ASIC2: variants seen among roughly 807,000 people sequenced by gnomAD.
ASIC2 encodes the protein acid-sensing ion channel 2.
In ASIC2, 25 loss-of-function variants were observed where a neutral mutation model predicts 57.3. The observed-to-expected ratio is 0.44, with a 90% CI of 0.32 to 0.61. The LOEUF is 0.61. Among genes scored for constraint, ASIC2 ranks in the 20% least tolerant of loss-of-function variants. The pLI is 0.06. For missense variants in ASIC2, 641 were observed against 738.1 expected, an observed-to-expected ratio of 0.87 and a Z score of 1.52; for synonymous variants, 319 against 307.5, an observed-to-expected ratio of 1.04 and a Z score of -0.39.
chr17:33,491,186 G>A (rs1389390183), intron 1 of ASIC2, among the ~76,000 whole-genome samples: 1 of 152,082 alleles, frequency 6.6e-6, no homozygotes, highest in African/African-American at 2.4e-5. Flanking sequence ...ACACCCACAG[G>A]ACATCAAGCA....
chr17:33,416,908 C>T (rs1408995014), intron 1 of ASIC2, among the ~76,000 whole-genome samples: 1 of 152,096 alleles, frequency 6.6e-6, no homozygotes, highest in Non-Finnish European at 1.5e-5. Flanking sequence ...TTTGGGATCT[C>T]ACCAATATGC....
chr17:33,152,758 T>C (rs978565532), intron 1 of ASIC2, among the ~76,000 whole-genome samples: 1 of 152,230 alleles, frequency 6.6e-6, no homozygotes, highest in African/African-American at 2.4e-5. Context: ...ACATCATCCC[T>C]TTCCTGGTGA....
chr17:33,983,207 A>G (rs1905690921), intron 1 of ASIC2, among the ~76,000 whole-genome samples: 1 of 152,162 alleles, frequency 6.6e-6, no homozygotes, highest in Non-Finnish European at 1.5e-5. Context: ...ATTTCAGAGA[A>G]CTTGTTCCCA....
At position 34,044,976 on chromosome 17, in the gene ASIC2, A is replaced by G. The variant is rs1342737556; in HGVS notation, c.555+111002T>C. ...AAAACTGTTTTCTGCCTCTGTCCTC[A>G]GTGAGCTCACAGTCGAACACAGGAA... On this transcript the variant is annotated intron_variant, in intron 1 of 9. Transcript: ENST00000359872. 5.9e-5 allele frequency among the ~76,000 whole-genome samples: 9 copies of G among 152,328 alleles called. No individual in the cohort carries two copies. The South Asian group carries it at 1.7e-3, about 28-fold the overall frequency.
intron 1 of ASIC2, among the ~76,000 whole-genome samples, chr17:33,913,753 A>G (rs1471604572): frequency 1.3e-5 from 2 of 151,570 alleles, no homozygotes; most frequent in Non-Finnish European, 2.9e-5. Flanking sequence ...AAATAAAATG[A>G]TAAGTGTATG....
At chr17:33,740,129 C>A (rs1373033219) in intron 1 of ASIC2, among the ~76,000 whole-genome samples, 1 of 152,078 alleles carries the variant, frequency 6.6e-6, no homozygotes, top group East Asian at 1.9e-4. Flanking sequence ...ACAATATATG[C>A]CTTGAAGAAT....
intron 1 of ASIC2, among the ~76,000 whole-genome samples, chr17:33,952,595 G>A (rs760334761): frequency 7.9e-5 from 12 of 152,060 alleles, no homozygotes; most frequent in Non-Finnish European, 1.6e-4. Context: ...CACTGAACTC[G>A]TCCAAATACA....
chr17:33,846,272 C>G (rs1327836595), intron 1 of ASIC2, among the ~76,000 whole-genome samples: 2 of 152,148 alleles, frequency 1.3e-5, no homozygotes, highest in African/African-American at 4.8e-5. Context: ...GGAAATTCAG[C>G]TGACAGTAAA....
chr17:33,437,189 C>T (rs1046984045), intron 1 of ASIC2, among the ~76,000 whole-genome samples: 1 of 152,048 alleles, frequency 6.6e-6, no homozygotes, highest in Non-Finnish European at 1.5e-5. Flanking sequence ...GACAGGATCT[C>T]AGGCTAGAAT....
intron 1 of ASIC2, among the ~76,000 whole-genome samples, chr17:33,370,957 C>T (rs888595733): frequency 2.6e-5 from 4 of 151,488 alleles, no homozygotes; most frequent in African/African-American, 4.9e-5. Context: ...CCATAGACAG[C>T]GTAGGGTGTT....
intron 1 of ASIC2, among the ~76,000 whole-genome samples, chr17:33,898,723 T>G (rs1049318566): frequency 3.9e-5 from 6 of 152,214 alleles, no homozygotes; most frequent in Admixed American, 1.3e-4. Context: ...ATCTTTTTAT[T>G]GTCTTCCAAT....
At chr17:33,031,724 T>C (rs952926157) in intron 3 of ASIC2, among the ~76,000 whole-genome samples, 9 of 152,204 alleles carry the variant, frequency 5.9e-5, no homozygotes, top group Admixed American at 2.0e-4. Flanking sequence ...GACTATGGAC[T>C]TGTCTGTTTC....
rs369841520 is a variant in ASIC2 at position 33,510,862 on chromosome 17, C to T, written c.556-398795G>A. On this transcript the variant is annotated intron_variant, in intron 1 of 9. Coordinates refer to the ASIC2 transcript ENST00000359872. ...GCCTTGTGAACCCACATTCTCTGCC[C>T]GTAGACATGAACATGTCACCCTGCT... Among the ~76,000 whole-genome samples, 5 of 152,130 alleles carry T rather than the reference C, an allele frequency of 3.3e-5. No homozygotes were observed. In the South Asian group the frequency reaches 6.3e-4, roughly 19 times the overall value.
intron 1 of ASIC2, among the ~76,000 whole-genome samples, chr17:34,095,722 G>T (rs905177253): frequency 2.8e-5 from 4 of 141,042 alleles, no homozygotes; most frequent in South Asian, 4.4e-4. Flanking sequence ...TTTATATATA[G>T]AGAGATATAT....
intron 1 of ASIC2, among the ~76,000 whole-genome samples, chr17:33,444,866 A>G (rs1273763679): frequency 1.3e-5 from 2 of 152,226 alleles, no homozygotes; most frequent in African/African-American, 2.4e-5. Flanking sequence ...TTGGCAGGTT[A>G]TAGCCTGCAG....
intron 1 of ASIC2, among the ~76,000 whole-genome samples, chr17:33,904,875 G>A (rs1431019259): frequency 1.3e-5 from 2 of 152,114 alleles, no homozygotes; most frequent in Admixed American, 6.5e-5. Context: ...CTCTTCTTGC[G>A]AGCAGGCTTG....
intron 1 of ASIC2, among the ~76,000 whole-genome samples, chr17:33,265,316 A>G (rs577280797): frequency 1.3e-5 from 2 of 152,348 alleles, no homozygotes; most frequent in South Asian, 2.1e-4. Flanking sequence ...ACCATGGAAT[A>G]CTATGTAGCC....
chr17:33,376,812 A>G (rs1025965253), intron 1 of ASIC2, among the ~76,000 whole-genome samples: 1 of 151,950 alleles, frequency 6.6e-6, no homozygotes, highest in Admixed American at 6.6e-5. Context: ...CATTATCATC[A>G]TCATCATCAT....
chr17:33,653,353 G>C (rs895410823), intron 1 of ASIC2, among the ~76,000 whole-genome samples: 3 of 152,130 alleles, frequency 2.0e-5, no homozygotes, highest in African/African-American at 7.2e-5. Flanking sequence ...CTGTCCTTCA[G>C]TATTTATCAT....
Sources: gnomAD v4.1 joint callset for allele counts (sites outside exome capture counted in the v4.1 genomes callset) on GRCh38, gnomAD v4.1.1 for gene constraint, MANE v1.5 for transcripts, NCBI Gene and HGNC (gene_info 2026-07-23, HGNC 2026-07-21) for gene names.